WDR70: variants seen among roughly 807,000 people sequenced by gnomAD.
WDR70 encodes WD repeat domain 70.
WDR70 carries 53 observed loss-of-function variants against 88.6 expected under a neutral mutation model. The ratio of observed to expected loss-of-function variants is 0.60; its 90% CI spans 0.48 to 0.75. The LOEUF (loss-of-function observed/expected upper bound fraction) is 0.75. WDR70 is among the 30% of genes least tolerant of loss of function. WDR70 has a pLI of 0.00. For missense variants in WDR70, 610 were observed against 823.2 expected (o/e 0.74, Z 3.17); for synonymous variants, 280 against 270.0 (o/e 1.04, Z -0.36).
chr5:37,582,102 ATTAG>A (rs147576345), intron 9 of WDR70, among the ~76,000 whole-genome samples: 62,112 of 151,548 alleles, frequency 0.41, 14,811 homozygotes, highest in Non-Finnish European at 0.54. Flanking sequence ...TTGTTACAGT[ATTAG>A]TTAGTAACTA....
intron 9 of WDR70, among the ~76,000 whole-genome samples, chr5:37,539,565 T>C (rs758532634): frequency 4.6e-5 from 7 of 152,200 alleles, no homozygotes; most frequent in Non-Finnish European, 7.3e-5. Context: ...TTGTTTAAGC[T>C]ACCCAGTCTG....
At chr5:37,398,237 C>T (rs1267245066) in intron 5 of WDR70, among the ~76,000 whole-genome samples, 3 of 151,708 alleles carry the variant, frequency 2.0e-5, no homozygotes, top group Non-Finnish European at 2.9e-5. Flanking sequence ...TACAGGCACC[C>T]GCCACCACGC....
chr5:37,533,156 G>C (rs1347050305), intron 9 of WDR70, among the ~76,000 whole-genome samples: 1 of 152,214 alleles, frequency 6.6e-6, no homozygotes. Context: ...ACCCGAACCA[G>C]TAGAGGTAGC....
intron 9 of WDR70, among the ~76,000 whole-genome samples, chr5:37,564,555 C>T (rs796652682): frequency 4.3e-5 from 3 of 69,958 alleles, no homozygotes; most frequent in African/African-American, 6.3e-5. Context: ...AGAGGGAGAC[C>T]GTGGGGAGAG....
intron 10 of WDR70, among the ~76,000 whole-genome samples, chr5:37,625,492 CA>C (rs1187593235): frequency 1.3e-5 from 2 of 151,900 alleles, no homozygotes; most frequent in East Asian, 3.9e-4. Context: ...TCTATCTGTT[CA>C]GATCATTTGC....
intron 9 of WDR70, among the ~76,000 whole-genome samples, chr5:37,524,163 C>T (rs556252434): frequency 2.6e-5 from 4 of 152,182 alleles, no homozygotes; most frequent in East Asian, 3.9e-4. Context: ...AGAGCAACTC[C>T]AAGACACATA....
chr5:37,746,773 A>T (rs1748649382), intron 17 of WDR70, among the ~76,000 whole-genome samples: 1 of 152,248 alleles, frequency 6.6e-6, no homozygotes, highest in Non-Finnish European at 1.5e-5. Context: ...TGAGGCAGTA[A>T]TTAATAGCCT....
At chr5:37,441,187 G>A (rs1750642882) in intron 6 of WDR70, among the ~76,000 whole-genome samples, 1 of 152,208 alleles carries the variant, frequency 6.6e-6, no homozygotes, top group Non-Finnish European at 1.5e-5. Context: ...AGGCAAGTGA[G>A]TTTGTAGGTG....
chr5:37,600,989 A>C (rs6865231), intron 9 of WDR70, among the ~76,000 whole-genome samples: 70,582 of 152,066 alleles, frequency 0.46, 18,004 homozygotes, highest in Non-Finnish European at 0.58. Flanking sequence ...AACAAAAAAC[A>C]GAGACAATTT....
At chr5:37,648,422 A>T (rs549008080) in intron 10 of WDR70, among the ~76,000 whole-genome samples, 2 of 152,188 alleles carry the variant, frequency 1.3e-5, no homozygotes, top group South Asian at 2.1e-4. Context: ...AAGCCAGTCC[A>T]CTATAAAGAG....
intron 7 of WDR70, among the ~76,000 whole-genome samples, chr5:37,470,343 A>G (rs1003204581): frequency 1.3e-5 from 2 of 152,086 alleles, no homozygotes; most frequent in Non-Finnish European, 2.9e-5. Context: ...TCTAATTTTT[A>G]TAATGTTTAA....
chr5:37,483,821 G>C (rs1739759983), intron 8 of WDR70, among the ~76,000 whole-genome samples: 1 of 151,740 alleles, frequency 6.6e-6, no homozygotes, highest in Non-Finnish European at 1.5e-5. Flanking sequence ...GGGCAGAGGG[G>C]CTCCTCACTT....
intron 10 of WDR70, among the ~76,000 whole-genome samples, chr5:37,682,850 A>C (rs935349805): frequency 6.6e-6 from 1 of 152,094 alleles, no homozygotes; most frequent in Non-Finnish European, 1.5e-5. Context: ...TTACGTGGTC[A>C]ATTTTGGAGT....
In WDR70 at chr5:37,710,493, G is replaced by A. The variant is rs190202927; in HGVS notation, c.1416+7406G>A. On this transcript the variant is annotated intron_variant, in intron 13 of 17. Transcript: ENST00000265107. ...TTTTTTGGCACCAGGGACTGGTTTC[G>A]TGGAAGACAATATTTCCACAGACAG... Among the ~76,000 whole-genome samples, 462 of 152,244 alleles carry A rather than the reference G, an allele frequency of 3.0e-3. 2 individuals are homozygous for A. Among genetic ancestry groups the A allele is most frequent in the Non-Finnish European group, 4.7e-3 (319 of 68,030 alleles).
Position 37,481,579 on chromosome 5 carries a change from C to G in WDR70, c.840+1592C>G, listed in dbSNP as rs528994653. On this transcript the variant is annotated intron_variant, in intron 8 of 17. Coordinates refer to ENST00000265107, the MANE Select transcript of WDR70 (RefSeq NM_018034.4). The stretch of plus-strand genomic sequence containing the variant: ...GGGCACCAAGTTACTAGGCTGCACA[C>G]AGCAGGGGGTTCTGGACCCACAAAA... Among the ~76,000 whole-genome samples the G allele has an allele frequency of 3.3e-5, 5 of 152,200 alleles. No homozygotes were observed. The South Asian group carries it at 8.3e-4, about 25-fold the overall frequency.
chr5:37,628,161 T>A (rs1232343916), intron 10 of WDR70, among the ~76,000 whole-genome samples: 2 of 152,202 alleles, frequency 1.3e-5, no homozygotes, highest in East Asian at 3.8e-4. Flanking sequence ...TGGCCTCAAG[T>A]GATCCTCTGC....
chr5:37,485,443 A>G (rs1739828647), intron 8 of WDR70, among the ~76,000 whole-genome samples: 1 of 152,140 alleles, frequency 6.6e-6, no homozygotes, highest in Admixed American at 6.5e-5. Flanking sequence ...TTTGTGGTCT[A>G]TTTAATGCCA....
chr5:37,739,473 T>C (rs934449545), intron 17 of WDR70, among the ~76,000 whole-genome samples: 3 of 152,194 alleles, frequency 2.0e-5, no homozygotes, highest in African/African-American at 4.8e-5. Context: ...TCTGAAAGAA[T>C]TGTTAGCTAG....
At chr5:37,559,582 C>T (rs1351780182) in intron 9 of WDR70, among the ~76,000 whole-genome samples, 2 of 152,158 alleles carry the variant, frequency 1.3e-5, no homozygotes, top group South Asian at 4.1e-4. Flanking sequence ...CAGTGGCTCA[C>T]GCCTGTAATC....
Sources: allele counts gnomAD v4.1 joint callset (sites outside exome capture counted in the v4.1 genomes callset), GRCh38; gene constraint gnomAD v4.1.1; transcripts MANE v1.5; gene names NCBI Gene and HGNC (gene_info 2026-07-23, HGNC 2026-07-21).